CATSPER3: variants seen among roughly 807,000 people sequenced by gnomAD.
CATSPER3 encodes cation channel sperm-associated protein 3.
Under a neutral mutation model 36.6 loss-of-function variants are expected in CATSPER3, and 23 were observed. The ratio of observed to expected loss-of-function variants is 0.63; its 90% confidence interval spans 0.45 to 0.89. CATSPER3 has a LOEUF of 0.89. CATSPER3 is among the 40% of genes least tolerant of loss of function. The pLI, the probability that CATSPER3 is intolerant of heterozygous loss-of-function variation, is 0.00. For missense variants in CATSPER3, 474 were observed against 503.9 expected (o/e 0.94, Z 0.57); for synonymous variants, 172 against 184.1 (o/e 0.93, Z 0.53).
chr5:134,988,492 T>A (rs990412746), intron 2 of CATSPER3, among the ~76,000 whole-genome samples: 11 of 152,252 alleles, frequency 7.2e-5, no homozygotes, highest in Admixed American at 2.0e-4. Context: ...CAACGAAGTT[T>A]ACGGAATATT....
At chr5:134,999,009 A>G (rs183596334) in intron 3 of CATSPER3, among the ~76,000 whole-genome samples, 119 of 152,284 alleles carry the variant, frequency 7.8e-4, no homozygotes, top group African/African-American at 2.8e-3. Context: ...CCTGAATGGT[A>G]TTGCCTAGGT....
At chr5:135,008,466 G>A (rs1424534768) in intron 4 of CATSPER3, among the ~76,000 whole-genome samples, 1 of 152,116 alleles carries the variant, frequency 6.6e-6, no homozygotes, top group African/African-American at 2.4e-5. Context: ...TGGGGAATTG[G>A]CTGTCACAAA....
intron 3 of CATSPER3, among the ~76,000 whole-genome samples, chr5:135,005,605 G>C (rs927901975): frequency 1.3e-5 from 2 of 152,356 alleles, no homozygotes; most frequent in East Asian, 3.9e-4. Context: ...GAAGTCTAAA[G>C]GAATCCTTAA....
At chr5:134,969,916 C>T in intron 1 of CATSPER3, 23 bp from the exon 2 acceptor site, 1 of 1,613,880 alleles carries the variant, frequency 6.2e-7, no homozygotes. Context: ...TGTAACCATA[C>T]TTCACATTCA....
intron 3 of CATSPER3, among the ~76,000 whole-genome samples, chr5:135,004,237 A>G (rs1752056754): frequency 6.6e-6 from 1 of 152,116 alleles, no homozygotes; most frequent in Non-Finnish European, 1.5e-5. Flanking sequence ...ACATCTCTTC[A>G]TTCCTGTCAC....
intron 2 of CATSPER3, among the ~76,000 whole-genome samples, chr5:134,973,690 TAAG>T (rs1435670679): frequency 2.6e-5 from 4 of 152,146 alleles, no homozygotes; most frequent in African/African-American, 7.2e-5. Context: ...TGAGCTCCAA[TAAG>T]AAGAATAATT....
At chr5:134,972,435 A>T (rs1243437643) in intron 2 of CATSPER3, among the ~76,000 whole-genome samples, 1 of 152,228 alleles carries the variant, frequency 6.6e-6, no homozygotes, top group East Asian at 1.9e-4. Context: ...GTGATACAAG[A>T]TAGGAAAGAA....
At position 135,011,463 on chromosome 5, in the gene CATSPER3, G is replaced by A; in HGVS notation, c.1095-58G>A. On this transcript the variant is annotated intron_variant, in intron 7 of 7. Coordinates refer to ENST00000282611, the MANE Select transcript of CATSPER3 (RefSeq NM_178019.3). ...GCAAACGTGTGGTCAGTGGGGCCAGGGGGTCCTGGAGCCTGCCTCTGACCT... is the reference window on the plus strand; with the variant it reads ...GCAAACGTGTGGTCAGTGGGGCCAGAGGGTCCTGGAGCCTGCCTCTGACCT... 3 of 1,289,006 alleles carry A rather than the reference G, an allele frequency of 2.3e-6. No homozygotes were observed. The South Asian group carries it at 3.7e-5, about 16-fold the overall frequency. The allele number at this position is 1,289,006 out of a possible 1,614,324, so 79.8% of individuals were successfully genotyped here.
intron 3 of CATSPER3, among the ~76,000 whole-genome samples, chr5:135,007,440 C>T (rs115155098): frequency 8.5e-4 from 130 of 152,266 alleles, no homozygotes; most frequent in African/African-American, 2.8e-3. Context: ...CCACTTCATA[C>T]GGGGCAAGAC....
chr5:135,000,728 C>T (rs758244567), intron 3 of CATSPER3, among the ~76,000 whole-genome samples: 5 of 152,302 alleles, frequency 3.3e-5, no homozygotes, highest in Non-Finnish European at 4.4e-5. Flanking sequence ...ATAGTATTAT[C>T]GGATGGTAGT....
chr5:134,968,053 C>T lies in CATSPER3; in HGVS notation c.62C>T (p.Thr21Ile). ...ATTTCTAGTTCACCAGTTGACACTA[C>T]ATCGGTGGGATTTTGCCCAACATTC... ...RVISSSPVDT[T>I]SVGFCPTFKK... is the part of the protein sequence containing the mutation. The change falls in exon 1 of 8, where the codon ACA becomes ATA. Residue 21 changes from threonine (T) to isoleucine (I), a missense_variant. By Grantham distance (89) the Thr-to-Ile change is moderately conservative. Transcript: ENST00000282611. 6.2e-7 allele frequency: 1 copy of T among 1,613,860 alleles called. No homozygotes were observed. Among genetic ancestry groups the T allele is most frequent in the Non-Finnish European group, 8.5e-7 (1 of 1,179,706 alleles).
At chr5:134,969,422 T>C (rs1416688037) in intron 1 of CATSPER3, 1 of 171,496 alleles carries the variant, frequency 5.8e-6, no homozygotes, top group African/African-American at 2.4e-5. Context: ...GTAGAACATA[T>C]TTGGAGAAGT....
intron 2 of CATSPER3, among the ~76,000 whole-genome samples, chr5:134,971,737 T>TTTTA (rs1366225599): frequency 2.6e-5 from 4 of 152,184 alleles, no homozygotes; most frequent in Non-Finnish European, 4.4e-5. Context: ...CTAGAGGTCT[T>TTTTA]TTTAAAGACA....
At chr5:135,002,858 T>C (rs1057357589) in intron 3 of CATSPER3, among the ~76,000 whole-genome samples, 2 of 152,206 alleles carry the variant, frequency 1.3e-5, no homozygotes, top group Non-Finnish European at 2.9e-5. Flanking sequence ...ATTTGTCTAA[T>C]CTTTTTTCAA....
intron 3 of CATSPER3, among the ~76,000 whole-genome samples, chr5:135,001,228 A>C (rs866537890): frequency 1.3e-5 from 2 of 152,180 alleles, no homozygotes; most frequent in Non-Finnish European, 2.9e-5. Flanking sequence ...CAGGTTGTTC[A>C]GTTTCCATGT....
intron 7 of CATSPER3, among the ~76,000 whole-genome samples, 186 bp from the exon 8 acceptor site, chr5:135,011,335 T>G: frequency 6.6e-6 from 1 of 152,174 alleles, no homozygotes; most frequent in Admixed American, 6.5e-5. Flanking sequence ...GTAAAATACT[T>G]TGCTCCAGGG....
At position 135,007,953 on chromosome 5, in the gene CATSPER3, G is replaced by A. The variant is rs1580916110; in HGVS notation, c.493-4G>A. 1.9e-6 allele frequency: 3 copies of A among 1,613,576 alleles called. No homozygotes were observed. The highest frequency in any genetic ancestry group is 2.5e-6 in the Non-Finnish European group (3 of 1,179,924). ...TCGCCTACCACAGTGTCCCTGCCTT[G>A]CAGACGCTGATCACCGCCGTGGGGC... On this transcript the variant is annotated splice_polypyrimidine_tract_variant and splice_region_variant and intron_variant, in intron 3 of 7. Coordinates refer to ENST00000282611, the MANE Select transcript of CATSPER3 (RefSeq NM_178019.3).
At chr5:134,983,223 A>G (rs994497821) in intron 2 of CATSPER3, among the ~76,000 whole-genome samples, 2 of 152,238 alleles carry the variant, frequency 1.3e-5, no homozygotes, top group Non-Finnish European at 2.9e-5. Flanking sequence ...TACTTTAAAT[A>G]TAAATGGATT....
intron 3 of CATSPER3, among the ~76,000 whole-genome samples, chr5:135,004,088 A>G (rs1296639285): frequency 6.6e-6 from 1 of 152,154 alleles, no homozygotes; most frequent in Non-Finnish European, 1.5e-5. Flanking sequence ...TTCAGCCATC[A>G]TCTCCTCCAG....
Sources: allele counts gnomAD v4.1 joint callset (sites outside exome capture counted in the v4.1 genomes callset), GRCh38; gene constraint gnomAD v4.1.1; transcripts MANE v1.5; gene names NCBI Gene and HGNC (gene_info 2026-07-23, HGNC 2026-07-21).